The following SERGEF variants were observed in gnomAD, a reference collection of about 807,000 sequenced individuals.
SERGEF encodes the protein secretion-regulating guanine nucleotide exchange factor.
In SERGEF, 51 loss-of-function variants were observed where a neutral mutation model predicts 50.0. The observed-to-expected ratio is 1.02, with a 90% CI of 0.81 to 1.29. SERGEF has a LOEUF of 1.29. Among genes scored for constraint, SERGEF ranks in the 50% most tolerant of loss-of-function variants. The pLI, the probability that SERGEF is intolerant of heterozygous loss-of-function variation, is 0.00. For missense variants in SERGEF, 521 were observed against 557.0 expected, an observed-to-expected ratio of 0.94 and a Z score of 0.65; for synonymous variants, 205 against 212.4, an observed-to-expected ratio of 0.97 and a Z score of 0.30.
intron 10 of SERGEF, chr11:17,866,865 G>A (rs1365931630): frequency 6.6e-6 from 1 of 152,184 alleles, no homozygotes; most frequent in Non-Finnish European, 1.5e-5. Context: ...TACACTGATG[G>A]TGGCAGGCAA....
At chr11:17,992,126 C>A (rs1407541792) in intron 7 of SERGEF, among the ~76,000 whole-genome samples, 1 of 151,724 alleles carries the variant, frequency 6.6e-6, no homozygotes, top group Non-Finnish European at 1.5e-5. Context: ...AGGATGAATG[C>A]GCAGCCAAAG....
chr11:17,851,312 G>T (rs1850708387), intron 10 of SERGEF, among the ~76,000 whole-genome samples: 2 of 152,096 alleles, frequency 1.3e-5, no homozygotes, highest in Admixed American at 1.3e-4. Context: ...TTCAAACCTT[G>T]GTCCCCTTGA....
intron 1 of SERGEF, 177 bp downstream of exon 1, chr11:18,012,774 T>TA: frequency 1.6e-5 from 20 of 1,285,076 alleles, no homozygotes; most frequent in Non-Finnish European, 2.0e-5. Context: ...GACCCTTCCT[T>TA]CCCCGCCCGC....
intron 10 of SERGEF, among the ~76,000 whole-genome samples, chr11:17,868,244 A>T (rs761577690): frequency 6.6e-6 from 1 of 152,194 alleles, no homozygotes; most frequent in African/African-American, 2.4e-5. Flanking sequence ...CACCTGTTGA[A>T]TGCTTTGCTG....
chr11:17,930,023 C>T (rs542578225), intron 9 of SERGEF, among the ~76,000 whole-genome samples: 14 of 152,284 alleles, frequency 9.2e-5, no homozygotes, highest in East Asian at 3.9e-4. Flanking sequence ...TATAGCCAAG[C>T]TACAGGCTCT....
intron 9 of SERGEF, among the ~76,000 whole-genome samples, chr11:17,931,257 A>G (rs1852346368): frequency 6.6e-6 from 1 of 152,220 alleles, no homozygotes; most frequent in Admixed American, 6.5e-5. Flanking sequence ...TAACAGCAAT[A>G]TCTATAATGA....
chr11:17,964,535 A>G (rs145304794), intron 8 of SERGEF, among the ~76,000 whole-genome samples: 1 of 152,334 alleles, frequency 6.6e-6, no homozygotes, highest in Non-Finnish European at 1.5e-5. Context: ...AAGGGAATAT[A>G]ATGTCACTGA....
At chr11:17,924,008 T>C (rs1852206998) in intron 9 of SERGEF, among the ~76,000 whole-genome samples, 1 of 152,176 alleles carries the variant, frequency 6.6e-6, no homozygotes, top group African/African-American at 2.4e-5. Flanking sequence ...AGCCTCAATT[T>C]CCTAGTCTGT....
intron 9 of SERGEF, among the ~76,000 whole-genome samples, chr11:17,883,841 C>T (rs1590175609): frequency 6.6e-6 from 1 of 152,162 alleles, no homozygotes; most frequent in Non-Finnish European, 1.5e-5. Context: ...CTTAGGGGAA[C>T]GGCTGCAAAG....
intron 7 of SERGEF, among the ~76,000 whole-genome samples, chr11:17,990,304 G>A (rs1405753248): frequency 2.0e-5 from 3 of 152,168 alleles, no homozygotes; most frequent in Non-Finnish European, 2.9e-5. Context: ...CAAAATGAGG[G>A]AGTATAAATC....
chr11:17,985,666 C>T (rs1487254405), intron 8 of SERGEF, among the ~76,000 whole-genome samples: 1 of 152,214 alleles, frequency 6.6e-6, no homozygotes, highest in Non-Finnish European at 1.5e-5. Context: ...TTTCCAAGTG[C>T]CTCTGACTAA....
At chr11:17,804,769 A>G (rs1849728176) in intron 10 of SERGEF, among the ~76,000 whole-genome samples, 1 of 152,208 alleles carries the variant, frequency 6.6e-6, no homozygotes. Context: ...ATATCTAACT[A>G]TCTCAAGTCT....
chr11:17,916,408 A>G (rs1852049388), intron 9 of SERGEF, among the ~76,000 whole-genome samples: 1 of 152,224 alleles, frequency 6.6e-6, no homozygotes, highest in African/African-American at 2.4e-5. Context: ...GATGAAAGAG[A>G]AGCAGAGTAG....
intron 9 of SERGEF, among the ~76,000 whole-genome samples, chr11:17,908,645 C>G (rs1201685883): frequency 6.6e-6 from 1 of 152,130 alleles, no homozygotes; most frequent in African/African-American, 2.4e-5. Flanking sequence ...TGCTTGACAT[C>G]AGTATTCAGA....
At chr11:17,833,694 G>C (rs965988169) in intron 10 of SERGEF, among the ~76,000 whole-genome samples, 1 of 152,216 alleles carries the variant, frequency 6.6e-6, no homozygotes, top group Non-Finnish European at 1.5e-5. Context: ...CCTACCTCTT[G>C]CATCAAGTGA....
chr11:17,992,896 A>G, intron 7 of SERGEF, 35 bp downstream of exon 7: 1 of 1,575,444 alleles, frequency 6.3e-7, no homozygotes, highest in Non-Finnish European at 8.7e-7. Context: ...AGAATCCTGA[A>G]TGGCATGTTA....
intron 1 of SERGEF, chr11:18,012,681 C>T: frequency 3.4e-6 from 4 of 1,178,520 alleles, no homozygotes; most frequent in Middle Eastern, 3.1e-4. Flanking sequence ...AGACGCTCTG[C>T]CCCGAGGCAG....
intron 9 of SERGEF, among the ~76,000 whole-genome samples, chr11:17,882,431 A>AAG (rs1555006832): frequency 3.3e-5 from 5 of 151,310 alleles, no homozygotes; most frequent in Admixed American, 6.6e-5. Context: ...AAAAAAAAAA[A>AAG]AAAAAGAAAA....
At chr11:17,945,173 T>A (rs554410197) in intron 9 of SERGEF, among the ~76,000 whole-genome samples, 7 of 152,376 alleles carry the variant, frequency 4.6e-5, no homozygotes, top group African/African-American at 1.4e-4. Context: ...CTGAAAAACA[T>A]ACATAGCACA....
Sources: allele counts gnomAD v4.1 joint callset (sites outside exome capture counted in the v4.1 genomes callset), GRCh38; gene constraint gnomAD v4.1.1; transcripts MANE v1.5; gene names NCBI Gene and HGNC (gene_info 2026-07-23, HGNC 2026-07-21).